PTPRC: variants seen among roughly 807,000 people sequenced by gnomAD.
PTPRC encodes protein tyrosine phosphatase receptor type C.
PTPRC carries 44 observed loss-of-function variants against 155.9 expected under a neutral mutation model. That is an observed-to-expected ratio of 0.28 (90% CI 0.22 to 0.36). PTPRC has a LOEUF of 0.36. PTPRC is among the 10% of genes least tolerant of loss of function. PTPRC has a pLI of 1.00. For missense variants in PTPRC, 1,401 were observed against 1,564.6 expected (o/e 0.90, Z 1.76); for synonymous variants, 525 against 533.1 (o/e 0.98, Z 0.21).
At chr1:198,711,853 A>C (rs1653327710) in intron 11 of PTPRC, among the ~76,000 whole-genome samples, 1 of 152,256 alleles carries the variant, frequency 6.6e-6, no homozygotes, top group African/African-American at 2.4e-5. Context: ...GTGGTTAATA[A>C]GCACATTAAA....
rs148331492 is a variant in PTPRC at position 198,756,174 on chromosome 1, G to T, written c.3914G>T (p.Gly1305Val). Residue 1305 changes from glycine (G) to valine (V), a missense_variant, in exon 33 of 33, where the codon GGT becomes GTT. By Grantham distance (109) the Gly-to-Val change is moderately radical. Around this residue, in one of 3 missense-constraint regions of PTPRC, gnomAD observed 400 missense variants for 389.5 expected, o/e 1.03. Coordinates refer to ENST00000442510, the MANE Select transcript of PTPRC (RefSeq NM_002838.5). The part of the protein sequence containing the change: ...NGPASPALNQ[G>V]S Reference sequence around the variant, plus strand: ...CCTGCAAGTCCAGCTTTAAATCAAGGTTCATAGGAAAAGACATAAATGAGG... The same window carrying T: ...CCTGCAAGTCCAGCTTTAAATCAAGTTTCATAGGAAAAGACATAAATGAGG... 3 of 1,613,066 alleles carry T rather than the reference G, an allele frequency of 1.9e-6. No homozygotes were observed. Among genetic ancestry groups the T allele is most frequent in the Non-Finnish European group, 2.5e-6 (3 of 1,179,500 alleles).
chr1:198,749,118 GAAATT>G (rs1166785051), intron 27 of PTPRC, among the ~76,000 whole-genome samples: 1 of 151,548 alleles, frequency 6.6e-6, no homozygotes, highest in African/African-American at 2.4e-5. Context: ...TAGTCCATGG[GAAATT>G]AAAGTATATG....
intron 4 of PTPRC, among the ~76,000 whole-genome samples, chr1:198,698,798 G>GTAC: frequency 6.6e-6 from 1 of 151,604 alleles, no homozygotes; most frequent in South Asian, 2.1e-4. Context: ...ATACATATAG[G>GTAC]ATTAAAGTAT....
chr1:198,734,414 G>A lies in PTPRC; in HGVS notation c.2266G>A (p.Glu756Lys). The change falls in exon 22 of 33, where the codon GAA (glutamate) becomes AAA (lysine). Residue 756 changes from glutamate to lysine, a missense_variant. Transcript: ENST00000442510. Reference protein sequence around the residue: ...TVIVMVTRCEEGNRNKCAEYW... With the variant: ...TVIVMVTRCEKGNRNKCAEYW... ...TATTGTCATGGTCACTCGATGTGAA[G>A]AAGGAAACAGGGTAAGAACCAAGAA... The A allele has an allele frequency of 6.2e-7, 1 of 1,610,780 alleles. No homozygotes were observed. The highest frequency in any genetic ancestry group is 8.5e-7 in the Non-Finnish European group (1 of 1,177,658).
intron 23 of PTPRC, among the ~76,000 whole-genome samples, chr1:198,741,541 T>G (rs1199330707): frequency 6.6e-6 from 1 of 151,480 alleles, no homozygotes; most frequent in African/African-American, 2.4e-5. Context: ...TTATTTTGGG[T>G]TTTTTTTGCT....
At chr1:198,644,302 C>G (rs1338856991) in intron 2 of PTPRC, among the ~76,000 whole-genome samples, 1 of 151,602 alleles carries the variant, frequency 6.6e-6, no homozygotes, top group Admixed American at 6.6e-5. Flanking sequence ...AGTGCTATGA[C>G]TTTTGCATAC....
chr1:198,641,076 T>C (rs923137273), intron 2 of PTPRC, among the ~76,000 whole-genome samples: 10 of 152,014 alleles, frequency 6.6e-5, no homozygotes, highest in Non-Finnish European at 1.3e-4. Context: ...TATACATAAA[T>C]TTATTTTGAA....
chr1:198,677,517 A>G (rs931313889), intron 2 of PTPRC, among the ~76,000 whole-genome samples: 4 of 151,490 alleles, frequency 2.6e-5, no homozygotes, highest in Non-Finnish European at 5.9e-5. Context: ...TAACTCAAAC[A>G]TATCCCTCTT....
At chr1:198,645,384 A>G (rs993866507) in intron 2 of PTPRC, among the ~76,000 whole-genome samples, 5 of 151,910 alleles carry the variant, frequency 3.3e-5, no homozygotes, top group Middle Eastern at 6.8e-3. Flanking sequence ...TACTGATAAA[A>G]CATATTAAGC....
intron 2 of PTPRC, among the ~76,000 whole-genome samples, chr1:198,688,550 A>G (rs1255362828): frequency 6.6e-6 from 1 of 152,202 alleles, no homozygotes; most frequent in African/African-American, 2.4e-5. Flanking sequence ...AGTATTCTGT[A>G]ATAAATTAAC....
At chr1:198,652,954 A>G (rs1299540191) in intron 2 of PTPRC, among the ~76,000 whole-genome samples, 2 of 151,872 alleles carry the variant, frequency 1.3e-5, no homozygotes, top group Admixed American at 1.3e-4. Context: ...CTGGAAGTAG[A>G]ACGAGTCAGA....
intron 13 of PTPRC, among the ~76,000 whole-genome samples, chr1:198,717,768 T>G (rs1363265630): frequency 6.6e-6 from 1 of 151,934 alleles, no homozygotes; most frequent in Non-Finnish European, 1.5e-5. Context: ...TCAACAACAT[T>G]TTTCCTCTCC....
chr1:198,745,489 C>T (rs762428833), intron 26 of PTPRC, among the ~76,000 whole-genome samples: 1 of 151,598 alleles, frequency 6.6e-6, no homozygotes, highest in Non-Finnish European at 1.5e-5. Context: ...GATACAAGGG[C>T]GAGTAGGGCA....
At chr1:198,692,796 T>G (rs1665999594) in intron 3 of PTPRC, 2 of 914,238 alleles carry the variant, frequency 2.2e-6, no homozygotes, top group South Asian at 1.0e-4. Flanking sequence ...TTTAAGAGTA[T>G]GTTGCTTTTT....
At chr1:198,709,232 A>G (rs778799595) in intron 10 of PTPRC, among the ~76,000 whole-genome samples, 3 of 152,224 alleles carry the variant, frequency 2.0e-5, no homozygotes, top group Non-Finnish European at 4.4e-5. Context: ...GGCTCAAACA[A>G]GTGAAAAATT....
chr1:198,643,397 G>C lies in PTPRC; in HGVS notation c.73+4056G>C, dbSNP rs567743772. 2.7e-4 allele frequency among the ~76,000 whole-genome samples: 41 copies of C among 151,928 alleles called. 1 individual carries two copies. Among genetic ancestry groups the C allele is most frequent in the African/African-American group, 9.6e-4 (40 of 41,482 alleles). On this transcript the variant is annotated intron_variant, in intron 2 of 32. Transcript: ENST00000442510. ...CAAAGGAAAGGAAAATTTTCAAAGA[G>C]GGAAGTCAAAAAGAGGGAGAATATG...
intron 2 of PTPRC, among the ~76,000 whole-genome samples, chr1:198,663,542 G>A (rs918848260): frequency 1.3e-5 from 2 of 152,228 alleles, no homozygotes; most frequent in African/African-American, 4.8e-5. Flanking sequence ...AATGGACAAA[G>A]CCCTGACCTG....
chr1:198,731,878 G>A (rs1330561421), intron 18 of PTPRC, 152 bp downstream of exon 18: 2 of 700,582 alleles, frequency 2.9e-6, no homozygotes, highest in African/African-American at 3.5e-5. Flanking sequence ...CTATGAACCA[G>A]AAGAGAGACT....
intron 31 of PTPRC, among the ~76,000 whole-genome samples, chr1:198,753,681 A>G (rs1300695620): frequency 2.0e-5 from 3 of 152,046 alleles, no homozygotes; most frequent in African/African-American, 7.2e-5. Flanking sequence ...TCCTGCTGAT[A>G]ACATATTGTT....
Sources: gnomAD v4.1 joint callset for allele counts (sites outside exome capture counted in the v4.1 genomes callset) on GRCh38, gnomAD v4.1.1 for gene constraint, gnomAD v4.1.1 regional missense constraint, MANE v1.5 for transcripts, NCBI Gene and HGNC (gene_info 2026-07-23, HGNC 2026-07-21) for gene names.